Variants in LIN54 observed in about 807,000 individuals in gnomAD.
LIN54 encodes the protein protein lin-54 homolog.
LIN54 carries 9 observed loss-of-function variants against 78.7 expected under a neutral mutation model. The observed-to-expected ratio is 0.11, with a 90% CI of 0.07 to 0.20. The LOEUF is 0.20. LIN54 is among the 10% of genes least tolerant of loss of function. The pLI is 1.00. For synonymous variants in LIN54, 269 were observed against 318.4 expected (o/e 0.84, Z 1.65); for missense variants, 573 against 889.9 (o/e 0.64, Z 4.53).
chr4:82,968,178 G>T (rs1165993084), intron 4 of LIN54, among the ~76,000 whole-genome samples: 1 of 151,982 alleles, frequency 6.6e-6, no homozygotes, highest in Non-Finnish European at 1.5e-5. Context: ...GAGTAGCTGG[G>T]ATTACAGGCA....
intron 5 of LIN54, among the ~76,000 whole-genome samples, chr4:82,941,304 C>A (rs1454083565): frequency 6.6e-6 from 1 of 151,838 alleles, no homozygotes; most frequent in Non-Finnish European, 1.5e-5. Flanking sequence ...AAGACGGAAG[C>A]ATGAGAAGTG....
chr4:82,924,774 T>TC lies in LIN54; in HGVS notation c.*3327dup, dbSNP rs1442049289. On this transcript the variant is annotated 3_prime_UTR_variant, in exon 13 of 13. Transcript: ENST00000340417. ...AAGTAATTTACATGATGAAAATAAC[T>TC]CCAATAGAAAGGGATTTTTAGTTGA... 6.6e-6 allele frequency: 1 copy of TC among 152,186 alleles called. No homozygotes were observed. Among genetic ancestry groups the TC allele is most frequent in the African/African-American group, 2.4e-5 (1 of 41,390 alleles). The allele number at this position is 152,186 out of a possible 1,614,324, so 9.4% of individuals were successfully genotyped here. A position where few individuals can be genotyped will look rare whatever the true frequency, so the allele number is the denominator to read the frequency against.
intron 4 of LIN54, among the ~76,000 whole-genome samples, chr4:82,950,175 G>A (rs1266041906): frequency 2.0e-5 from 3 of 152,044 alleles, no homozygotes; most frequent in African/African-American, 4.8e-5. Context: ...ATCATATTCC[G>A]ATTTCACCAG....
At position 82,929,958 on chromosome 4, in the gene LIN54, C is replaced by T. The variant is rs148534423; in HGVS notation, c.2048+985G>A. Reference sequence around the variant, plus strand: ...TGTTGCCCAAGCTGGAGTGCAATTGCGTGATCTTGGCTCACTGCAACCTCT... The same window carrying T: ...TGTTGCCCAAGCTGGAGTGCAATTGTGTGATCTTGGCTCACTGCAACCTCT... On this transcript the variant is annotated intron_variant, in intron 12 of 12. Transcript: ENST00000340417. 7.7e-3 allele frequency among the ~76,000 whole-genome samples: 1,169 copies of T among 152,186 alleles called. 10 individuals carry two copies. The highest frequency in any genetic ancestry group is 0.025 in the African/African-American group (1,035 of 41,512).
intron 1 of LIN54, among the ~76,000 whole-genome samples, chr4:83,001,280 A>G (rs1728741279): frequency 6.6e-6 from 1 of 152,088 alleles, no homozygotes; most frequent in African/African-American, 2.4e-5. Flanking sequence ...GGTAAGGCAC[A>G]CTGGCTCATG....
chr4:82,986,507 G>A (rs1011559546), intron 1 of LIN54, among the ~76,000 whole-genome samples: 2 of 151,532 alleles, frequency 1.3e-5, no homozygotes, highest in African/African-American at 2.4e-5. Context: ...AGATGGAGAC[G>A]ATCCTGGCCA....
chr4:83,007,037 G>A (rs1361649969), intron 1 of LIN54, among the ~76,000 whole-genome samples: 2 of 152,152 alleles, frequency 1.3e-5, no homozygotes, highest in Non-Finnish European at 2.9e-5. Flanking sequence ...CTACTCGAGA[G>A]GCCGAGGCAA....
chr4:82,960,429 T>C (rs1297687823), intron 4 of LIN54, among the ~76,000 whole-genome samples: 2 of 151,888 alleles, frequency 1.3e-5, no homozygotes, highest in Admixed American at 6.6e-5. Flanking sequence ...AGCCATTGCA[T>C]CTCAATTGTC....
chr4:82,997,467 T>C (rs1728316871), intron 1 of LIN54, among the ~76,000 whole-genome samples: 1 of 152,084 alleles, frequency 6.6e-6, no homozygotes, highest in Non-Finnish European at 1.5e-5. Context: ...ATTTAATTAA[T>C]AAAATACTTC....
chr4:82,943,241 G>C (rs958913752), intron 5 of LIN54, among the ~76,000 whole-genome samples: 2 of 152,030 alleles, frequency 1.3e-5, no homozygotes, highest in African/African-American at 4.8e-5. Context: ...AAGTGTTTGA[G>C]GCTTTTTAAC....
chr4:82,980,493 C>A (rs1201445843), intron 2 of LIN54, among the ~76,000 whole-genome samples: 1 of 152,052 alleles, frequency 6.6e-6, no homozygotes, highest in Admixed American at 6.6e-5. Context: ...ACATCTTACA[C>A]CTACAATATA....
At position 83,001,888 on chromosome 4, in the gene LIN54, AAGG is replaced by A. The variant is rs1728836217; in HGVS notation, c.-33+8593_-33+8595del. Among the ~76,000 whole-genome samples the A allele has an allele frequency of 2.2e-3, 2 of 904 alleles. 1 individual carries two copies. The highest frequency in any genetic ancestry group is 7.1e-3 in the Non-Finnish European group (2 of 280). The allele number at this position is 904 out of a possible 152,430, so 0.6% of individuals were successfully genotyped here. A position where few individuals can be genotyped will look rare whatever the true frequency, so the allele number is the denominator to read the frequency against. On this transcript the variant is annotated intron_variant, in intron 1 of 12. Transcript: ENST00000340417. ...ATAGGAAGGAAGGAAGGAAGGAAGG[AAGG>A]AAGGAGGGAGGGAGGGAGGGAGGGA...
intron 4 of LIN54, among the ~76,000 whole-genome samples, chr4:82,959,752 C>T (rs1300803754): frequency 6.6e-6 from 1 of 152,014 alleles, no homozygotes; most frequent in African/African-American, 2.4e-5. Flanking sequence ...AACTCAGCAA[C>T]AATTATATTC....
intron 4 of LIN54, among the ~76,000 whole-genome samples, chr4:82,962,016 G>A (rs945693168): frequency 6.6e-6 from 1 of 151,960 alleles, no homozygotes; most frequent in Non-Finnish European, 1.5e-5. Context: ...GTATGACCAG[G>A]CCTTACATTT....
chr4:83,001,043 C>G lies in LIN54; in HGVS notation c.-33+9441G>C, dbSNP rs192917660. 2.0e-3 allele frequency among the ~76,000 whole-genome samples: 301 copies of G among 151,692 alleles called. 3 individuals carry two copies. The highest frequency in any genetic ancestry group is 6.9e-3 in the African/African-American group (283 of 41,134). ...ATGTTGGCCAGGCTGGTCTCAAACT[C>G]CTAACCTCAGGTGATCTGCCCACCT... On this transcript the variant is annotated intron_variant, in intron 1 of 12. Coordinates refer to ENST00000340417, the MANE Select transcript of LIN54 (RefSeq NM_194282.4).
chr4:82,999,460 T>C (rs1728546728), intron 1 of LIN54, among the ~76,000 whole-genome samples: 1 of 152,068 alleles, frequency 6.6e-6, no homozygotes, highest in African/African-American at 2.4e-5. Flanking sequence ...TTTTGTCTAA[T>C]ATTGAAAATG....
intron 1 of LIN54, among the ~76,000 whole-genome samples, chr4:83,001,489 G>A (rs1728764782): frequency 6.6e-6 from 1 of 152,072 alleles, no homozygotes; most frequent in East Asian, 2.0e-4. Context: ...GGTCAAGGAT[G>A]CGGTGAGCTA....
chr4:82,939,449 G>C, intron 7 of LIN54, 90 bp downstream of exon 7: 3 of 1,066,810 alleles, frequency 2.8e-6, no homozygotes, highest in South Asian at 1.3e-5. Context: ...TACTGAGTTA[G>C]ATGTGTTTGA....
chr4:82,965,508 G>A (rs1448620474), intron 4 of LIN54, among the ~76,000 whole-genome samples: 1 of 152,180 alleles, frequency 6.6e-6, no homozygotes, highest in Non-Finnish European at 1.5e-5. Context: ...GAGAAAAAGA[G>A]CTATCACTTA....
Sources: gnomAD v4.1 joint callset for allele counts (sites outside exome capture counted in the v4.1 genomes callset) on GRCh38, gnomAD v4.1.1 for gene constraint, MANE v1.5 for transcripts, NCBI Gene and HGNC (gene_info 2026-07-23, HGNC 2026-07-21) for gene names.